APOLD1: variants seen among roughly 807,000 people sequenced by gnomAD.
APOLD1 encodes the protein apolipoprotein L domain-containing protein 1.
APOLD1 carries 22 observed loss-of-function variants against 15.3 expected under a neutral mutation model. The ratio of observed to expected loss-of-function variants is 1.44; its 90% CI spans 1.03 to 2.05. The LOEUF (loss-of-function observed/expected upper bound fraction) is 2.05. APOLD1 is among the 30% of genes most tolerant of loss of function. The probability of loss-of-function intolerance (pLI) is 0.00; values close to 1 mark genes in which losing one functional copy is unlikely to be tolerated. For synonymous variants in APOLD1, 190 were observed against 167.4 expected (o/e 1.13, Z -1.04); for missense variants, 394 against 353.5 (o/e 1.11, Z -0.92).
chr12:12,745,814 G>A (rs569138547), intron 1 of APOLD1, among the ~76,000 whole-genome samples: 2 of 152,196 alleles, frequency 1.3e-5, no homozygotes, highest in East Asian at 3.9e-4. Flanking sequence ...CAAGGAAAAT[G>A]CCAAGTGGTC....
chr12:12,781,379 G>A (rs1947078454), upstream of APOLD1, among the ~76,000 whole-genome samples: 1 of 152,164 alleles, frequency 6.6e-6, no homozygotes, highest in Admixed American at 6.5e-5. Context: ...GGGAGGCGGA[G>A]GTTGCAGTAG....
In APOLD1 at chr12:12,750,372, C is replaced by CA. The variant is rs34629361; in HGVS notation, c.96+24298dup. 6.3e-3 allele frequency among the ~76,000 whole-genome samples: 472 copies of CA among 75,130 alleles called. 10 individuals carry two copies. Among genetic ancestry groups the CA allele is most frequent in the African/African-American group, 0.013 (272 of 20,878 alleles). The allele number at this position is 75,130 out of a possible 152,430, so 49.3% of individuals were successfully genotyped here. ...GGTCAACAAGAGTGAGACTCTGTCT[C>CA]AAAAAAAAAAAAAAAAAAAAAAGGA... On this transcript the variant is annotated intron_variant, in intron 1 of 1. Coordinates refer to the APOLD1 transcript ENST00000326765.
At chr12:12,769,267 T>C (rs1946966336) in intron 1 of APOLD1, among the ~76,000 whole-genome samples, 1 of 148,468 alleles carries the variant, frequency 6.7e-6, no homozygotes. Flanking sequence ...CACTCCATCT[T>C]AGCAAGTAAA....
chr12:12,755,620 T>G (rs986673299), intron 1 of APOLD1, among the ~76,000 whole-genome samples: 1 of 152,140 alleles, frequency 6.6e-6, no homozygotes. Flanking sequence ...GCAGGTGGAT[T>G]GCTTAAGCTC....
In APOLD1 at chr12:12,787,069, C is replaced by T; in HGVS notation, c.164C>T (p.Ala55Val). 7.2e-7 allele frequency: 1 copy of T among 1,393,646 alleles called. No individual in the cohort carries two copies. The highest frequency in any genetic ancestry group is 1.6e-5 in the South Asian group (1 of 62,312). The allele number at this position is 1,393,646 out of a possible 1,614,324, so 86.3% of individuals were successfully genotyped here. ...LERLRRRSLV[A>V]NVAGSSLSAT... ...CGCCTGCGCAGGCGCTCCCTCGTAG[C>T]CAACGTGGCCGGCAGCTCGCTGAGC... Residue 55 changes from alanine (A) to valine (V), a missense_variant, in exon 2 of 2, where the codon GCC (alanine) becomes GTC (valine). Physicochemically the swap from Ala to Val is moderately conservative, Grantham distance 64. Coordinates refer to ENST00000356591, the MANE Select transcript of APOLD1 (RefSeq NM_030817.3). The surrounding 1 kb of genome is among the most constrained non-coding windows in gnomAD (Gnocchi z 4.9).
At chr12:12,736,035 A>G (rs1946682173) in intron 1 of APOLD1, among the ~76,000 whole-genome samples, 1 of 152,222 alleles carries the variant, frequency 6.6e-6, no homozygotes, top group South Asian at 2.1e-4. Flanking sequence ...CCTGGGTACC[A>G]TGGCAAAACC....
chr12:12,782,997 G>A (rs1258519510), upstream of APOLD1, among the ~76,000 whole-genome samples: 1 of 152,112 alleles, frequency 6.6e-6, no homozygotes, highest in Non-Finnish European at 1.5e-5. Flanking sequence ...CCCGGGGTCA[G>A]GAGTTCGAGA....
chr12:12,761,568 A>ACACACAC (rs1475254424), intron 1 of APOLD1, among the ~76,000 whole-genome samples: 2 of 151,678 alleles, frequency 1.3e-5, no homozygotes, highest in Non-Finnish European at 3.0e-5. Flanking sequence ...ATAAGCATAT[A>ACACACAC]CACACACACA....
intron 1 of APOLD1, among the ~76,000 whole-genome samples, chr12:12,731,060 G>T (rs968978072): frequency 1.3e-5 from 2 of 152,172 alleles, no homozygotes; most frequent in African/African-American, 4.8e-5. Context: ...AGAATGGCGT[G>T]AACCCGGGAG....
At chr12:12,768,028 G>T (rs1946954424) in intron 1 of APOLD1, among the ~76,000 whole-genome samples, 1 of 151,996 alleles carries the variant, frequency 6.6e-6, no homozygotes, top group Admixed American at 6.6e-5. Context: ...CTCGGGATCT[G>T]CCTGCCTCGG....
At position 12,755,599 on chromosome 12, in the gene APOLD1, C is replaced by T. The variant is rs144197753; in HGVS notation, c.96+29503C>T. On this transcript the variant is annotated intron_variant, in intron 1 of 1. Transcript: ENST00000326765. The stretch of plus-strand genomic sequence containing the variant: ...CTCACCCTTGTAATCCCAGCACTTT[C>T]CAAGGCCAAGGCAGGTGGATTGCTT... Among the ~76,000 whole-genome samples, 219 of 152,262 alleles carry T rather than the reference C, an allele frequency of 1.4e-3. 1 individual carries two copies. The highest frequency in any genetic ancestry group is 0.014 in the Middle Eastern group (4 of 294).
intron 1 of APOLD1, among the ~76,000 whole-genome samples, chr12:12,751,610 C>A (rs1257943960): frequency 7.4e-6 from 1 of 135,960 alleles, no homozygotes; most frequent in East Asian, 2.3e-4. Context: ...CTTGGCCTAC[C>A]AAAGTGCTAG....
chr12:12,757,845 G>A (rs1009787165), intron 1 of APOLD1, among the ~76,000 whole-genome samples: 2 of 151,862 alleles, frequency 1.3e-5, no homozygotes, highest in African/African-American at 4.8e-5. Context: ...CCCACTGAAG[G>A]TCTTGGAACA....
exon 1 of APOLD1, chr12:12,725,974 CAG>C (rs1369543063): frequency 6.8e-7 from 1 of 1,462,062 alleles, no homozygotes; most frequent in African/African-American, 1.4e-5. Flanking sequence ...TTCGCGGGGA[CAG>C]AGATGTAACC....
At chr12:12,774,700 C>T (rs751725382) in intron 1 of APOLD1, among the ~76,000 whole-genome samples, 17 of 151,804 alleles carry the variant, frequency 1.1e-4, no homozygotes, top group African/African-American at 3.9e-4. Flanking sequence ...TATGAAAAGA[C>T]GTCCCAAATC....
chr12:12,737,709 T>A (rs944514445), intron 1 of APOLD1, among the ~76,000 whole-genome samples: 6 of 152,192 alleles, frequency 3.9e-5, no homozygotes, highest in Non-Finnish European at 1.5e-5. Context: ...CTTTGGCATA[T>A]CCTCAGCTGA....
At chr12:12,781,515 T>A (rs1947079901), upstream of APOLD1, among the ~76,000 whole-genome samples, 1 of 151,686 alleles carries the variant, frequency 6.6e-6, no homozygotes. Context: ...TGAGCGTAAT[T>A]ATCACTTTAT....
rs145108935 is a variant in APOLD1, at chr12:12,727,654, G to A, written c.96+1558G>A. 6.4e-4 allele frequency among the ~76,000 whole-genome samples: 98 copies of A among 152,000 alleles called. No homozygotes were observed. In the East Asian group the frequency reaches 6.6e-3, roughly 10 times the overall value. ...GAGTCTCCCTGTCATCCAGGCTGGA[G>A]TGCAGTGGTGTGGTCATGTCTCACT... On this transcript the variant is annotated intron_variant, in intron 1 of 1. Coordinates refer to the APOLD1 transcript ENST00000326765.
intron 1 of APOLD1, chr12:12,786,591 TC>T: frequency 1.1e-6 from 1 of 937,630 alleles, no homozygotes; most frequent in Non-Finnish European, 1.3e-6. Context: ...ACCACGCCCC[TC>T]CCAGTTTAAA....
Sources: gnomAD v4.1 joint callset for allele counts (sites outside exome capture counted in the v4.1 genomes callset) on GRCh38, gnomAD v4.1.1 for gene constraint, Gnocchi (gnomAD v3.1) non-coding constraint, MANE v1.5 for transcripts, NCBI Gene and HGNC (gene_info 2026-07-23, HGNC 2026-07-21) for gene names.